The following TMC7 variants were observed in gnomAD, a reference collection of about 807,000 sequenced individuals.
The protein encoded by TMC7 is transmembrane channel like 7, also known as transmembrane channel-like protein 7.
A neutral mutation model predicts 82.9 loss-of-function variants in TMC7; 54 were observed. That is an observed-to-expected ratio of 0.65 (90% CI 0.52 to 0.82). TMC7 has a LOEUF of 0.82. Among genes scored for constraint, TMC7 ranks in the 40% least tolerant of loss-of-function variants. The pLI is 0.00. For synonymous variants in TMC7, 350 were observed against 337.9 expected (o/e 1.04, Z -0.39); for missense variants, 820 against 901.2 (o/e 0.91, Z 1.15).
chr16:19,021,899 A>G, intron 4 of TMC7, 103 bp downstream of exon 4: 1 of 1,367,072 alleles, frequency 7.3e-7, no homozygotes, highest in Non-Finnish European at 9.9e-7. Context: ...TTCTTGGGCG[A>G]CTGTATTAGT....
intron 6 of TMC7, chr16:19,033,795 A>T (rs1014240408): frequency 3.3e-5 from 5 of 152,202 alleles, no homozygotes; most frequent in Admixed American, 3.3e-4. Context: ...CCCACATGAG[A>T]CCTATCGAAT....
intron 8 of TMC7, among the ~76,000 whole-genome samples, chr16:19,039,411 T>G (rs1256976367): frequency 6.6e-6 from 1 of 152,036 alleles, no homozygotes; most frequent in Non-Finnish European, 1.5e-5. Flanking sequence ...TTCTGTATGG[T>G]ACAAGATAGC....
chr16:18,998,126 G>C (rs987531137), intron 1 of TMC7, among the ~76,000 whole-genome samples: 1 of 152,148 alleles, frequency 6.6e-6, no homozygotes, highest in Non-Finnish European at 1.5e-5. Flanking sequence ...CAAGGACAAA[G>C]CTGAGTAATT....
intron 5 of TMC7, 73 bp downstream of exon 5, chr16:19,023,268 C>A: frequency 9.7e-7 from 1 of 1,032,584 alleles, no homozygotes; most frequent in Non-Finnish European, 1.4e-6. Flanking sequence ...GATCAGTTTC[C>A]CAAATTTCTG....
chr16:19,041,441 C>T (rs1339772143), intron 9 of TMC7, among the ~76,000 whole-genome samples: 1 of 151,970 alleles, frequency 6.6e-6, no homozygotes, highest in Non-Finnish European at 1.5e-5. Flanking sequence ...TCTTGGCTCA[C>T]TGCAACCTCC....
At chr16:19,029,014 T>G (rs1960369585) in intron 5 of TMC7, among the ~76,000 whole-genome samples, 1 of 150,148 alleles carries the variant, frequency 6.7e-6, no homozygotes, top group Non-Finnish European at 1.5e-5. Context: ...TTTATTTATT[T>G]ATTTATTTTG....
chr16:19,034,099 G>T (rs1416901514), intron 6 of TMC7, among the ~76,000 whole-genome samples: 1 of 152,174 alleles, frequency 6.6e-6, no homozygotes, highest in Non-Finnish European at 1.5e-5. Flanking sequence ...CTAAACAGGT[G>T]CTCACTAAAT....
At chr16:19,007,338 A>G (rs1313364435) in intron 1 of TMC7, among the ~76,000 whole-genome samples, 1 of 152,146 alleles carries the variant, frequency 6.6e-6, no homozygotes, top group Non-Finnish European at 1.5e-5. Flanking sequence ...CATTACTTCC[A>G]TTGAGTCCTT....
chr16:19,017,205 T>G (rs1362118224), intron 3 of TMC7, among the ~76,000 whole-genome samples: 3 of 151,934 alleles, frequency 2.0e-5, no homozygotes, highest in Non-Finnish European at 2.9e-5. Context: ...CCAGTAAAGG[T>G]GCTCATGATG....
intron 2 of TMC7, among the ~76,000 whole-genome samples, chr16:19,010,715 T>C (rs1959280785): frequency 6.6e-6 from 1 of 152,228 alleles, no homozygotes; most frequent in Admixed American, 6.5e-5. Flanking sequence ...CAAATCCTTC[T>C]AGTTTCAGTT....
chr16:19,058,497 A>G (rs1262084625), intron 14 of TMC7, among the ~76,000 whole-genome samples: 1 of 152,234 alleles, frequency 6.6e-6, no homozygotes, highest in Non-Finnish European at 1.5e-5. Flanking sequence ...GAGCCTCCAC[A>G]GTGATCATCC....
intron 1 of TMC7, among the ~76,000 whole-genome samples, chr16:18,992,193 A>G (rs2038963669): frequency 6.6e-6 from 1 of 152,110 alleles, no homozygotes; most frequent in African/African-American, 2.4e-5. Flanking sequence ...CAATGGTTGA[A>G]CCAGTTTACA....
At chr16:19,008,744 A>G (rs1318087200) in intron 1 of TMC7, among the ~76,000 whole-genome samples, 2 of 152,184 alleles carry the variant, frequency 1.3e-5, no homozygotes, top group Non-Finnish European at 2.9e-5. Flanking sequence ...ATGCATTTGC[A>G]TGGTATACTT....
chr16:19,028,070 T>C (rs1244591661), intron 5 of TMC7, among the ~76,000 whole-genome samples: 2 of 152,214 alleles, frequency 1.3e-5, no homozygotes, highest in Non-Finnish European at 2.9e-5. Flanking sequence ...CCAATCCCTG[T>C]ATGGACATTC....
intron 6 of TMC7, among the ~76,000 whole-genome samples, chr16:19,033,972 C>T (rs1960628355): frequency 6.6e-6 from 1 of 152,186 alleles, no homozygotes; most frequent in Admixed American, 6.6e-5. Flanking sequence ...TAAAAATAAC[C>T]TCTTTCATCT....
intron 4 of TMC7, among the ~76,000 whole-genome samples, chr16:19,022,591 A>C (rs1406005402): frequency 6.6e-6 from 1 of 152,242 alleles, no homozygotes; most frequent in Non-Finnish European, 1.5e-5. Flanking sequence ...CTAGGTGTGT[A>C]GTAGGCCATC....
chr16:19,054,379 C>G lies in TMC7; in HGVS notation c.1872-2163C>G, dbSNP rs551975803. 7.9e-5 allele frequency among the ~76,000 whole-genome samples: 12 copies of G among 152,166 alleles called. No individual in the cohort carries two copies. In the South Asian group the frequency reaches 1.9e-3, roughly 24 times the overall value. On this transcript the variant is annotated intron_variant, in intron 13 of 15. Transcript: ENST00000304381. ...GGAACTGGTTCCATGATCTTCCCCC[C>G]CAACCACATTAAAATCTTCAGATGC...
chr16:19,001,487 C>T (rs548004372), intron 1 of TMC7, among the ~76,000 whole-genome samples: 2 of 152,230 alleles, frequency 1.3e-5, no homozygotes, highest in Admixed American at 1.3e-4. Context: ...TCGAGACTAG[C>T]CTGGGCAACA....
At position 19,051,724 on chromosome 16, in the gene TMC7, G is replaced by A. The variant is rs150607973; in HGVS notation, c.1779G>A (p.Pro593=). Reference sequence around the variant, plus strand: ...ACACCTGCAGACCCTCCCCCAGGCCGTTCAGAGCATCCAATTCTAATTTCT... The same window carrying A: ...ACACCTGCAGACCCTCCCCCAGGCCATTCAGAGCATCCAATTCTAATTTCT... The part of the protein sequence containing the change: ...LLYTCRPSPR[P]FRASNSNFFF... The change falls in exon 13 of 16, where the codon CCG becomes CCA. Residue 593 remains proline, a synonymous_variant. Transcript: ENST00000304381. The A allele has an allele frequency of 9.9e-6, 16 of 1,613,848 alleles. No homozygotes were observed. The African/African-American group carries it at 1.1e-4, about 11-fold the overall frequency.
Sources: allele counts gnomAD v4.1 joint callset (sites outside exome capture counted in the v4.1 genomes callset), GRCh38; gene constraint gnomAD v4.1.1; transcripts MANE v1.5; gene names NCBI Gene and HGNC (gene_info 2026-07-23, HGNC 2026-07-21).